Variants in CALN1 observed in about 807,000 individuals in gnomAD.
CALN1 encodes the protein calneuron 1, also known as calcium-binding protein 8.
Under a neutral mutation model 30.6 loss-of-function variants are expected in CALN1, and 17 were observed. That is an observed-to-expected ratio of 0.56 (90% CI 0.38 to 0.83). The LOEUF (loss-of-function observed/expected upper bound fraction) is 0.83. Among genes scored for constraint, CALN1 ranks in the 40% least tolerant of loss-of-function variants. The pLI is 0.00. For synonymous variants in CALN1, 156 were observed against 131.4 expected, an observed-to-expected ratio of 1.19 and a Z score of -1.28; for missense variants, 291 against 354.9, an observed-to-expected ratio of 0.82 and a Z score of 1.45.
intron 5 of CALN1, among the ~76,000 whole-genome samples, chr7:71,968,600 T>C (rs982139286): frequency 1.3e-5 from 2 of 152,068 alleles, no homozygotes; most frequent in Admixed American, 1.3e-4. Context: ...CAGGCTGGTA[T>C]TGAACTCCTG....
intron 2 of CALN1, among the ~76,000 whole-genome samples, chr7:72,316,509 C>T (rs1023206767): frequency 3.3e-5 from 5 of 152,078 alleles, no homozygotes; most frequent in Non-Finnish European, 7.4e-5. Flanking sequence ...CAAATGCAGA[C>T]TCTGGGACAT....
At chr7:72,163,392 TAAAA>T (rs55881217) in intron 3 of CALN1, among the ~76,000 whole-genome samples, 1 of 79,306 alleles carries the variant, frequency 1.3e-5, no homozygotes, top group Non-Finnish European at 2.2e-5. Context: ...TATTGGAGAT[TAAAA>T]AAAAAAAAAA....
intron 4 of CALN1, among the ~76,000 whole-genome samples, chr7:72,061,718 A>C (rs1803659730): frequency 6.6e-6 from 1 of 150,980 alleles, no homozygotes; most frequent in African/African-American, 2.4e-5. Context: ...AAAAATATTT[A>C]AAGAAATAAT....
At chr7:72,226,607 T>C (rs1793694824) in intron 3 of CALN1, among the ~76,000 whole-genome samples, 1 of 152,236 alleles carries the variant, frequency 6.6e-6, no homozygotes, top group African/African-American at 2.4e-5. Context: ...ATAAAAGTTA[T>C]GATCCCCAAA....
chr7:72,096,694 G>A (rs1806258276), intron 4 of CALN1, among the ~76,000 whole-genome samples: 1 of 152,178 alleles, frequency 6.6e-6, no homozygotes, highest in African/African-American at 2.4e-5. Flanking sequence ...AACAGGAAAA[G>A]TTTTACACTG....
intron 4 of CALN1, among the ~76,000 whole-genome samples, chr7:72,052,497 G>A (rs1251579112): frequency 1.3e-5 from 2 of 151,850 alleles, no homozygotes; most frequent in African/African-American, 4.8e-5. Context: ...CTGACCACCC[G>A]AAGAAAATCT....
At chr7:72,442,534 C>T (rs1459847765) in intron 1 of CALN1, among the ~76,000 whole-genome samples, 6 of 148,038 alleles carry the variant, frequency 4.1e-5, no homozygotes, top group South Asian at 2.1e-4. Flanking sequence ...TGTAGGGTTG[C>T]GCTTATTTAG....
At chr7:72,311,466 A>G (rs2129556404) in intron 2 of CALN1, among the ~76,000 whole-genome samples, 1 of 151,604 alleles carries the variant, frequency 6.6e-6, no homozygotes, top group East Asian at 1.9e-4. Context: ...GATCAACTGT[A>G]TTTCTTTTTT....
chr7:72,412,034 A>G (rs1170563648), intron 1 of CALN1, 24 bp downstream of exon 1: 2 of 152,122 alleles, frequency 1.3e-5, no homozygotes, highest in Non-Finnish European at 2.9e-5. Context: ...TGAGCCCACC[A>G]TGCTCTTTAG....
chr7:72,076,116 C>T (rs1804709034), intron 4 of CALN1, among the ~76,000 whole-genome samples: 1 of 152,036 alleles, frequency 6.6e-6, no homozygotes, highest in South Asian at 2.1e-4. Context: ...GGGTGCAAAG[C>T]TCACAGTGGC....
intron 1 of CALN1, among the ~76,000 whole-genome samples, chr7:72,406,293 C>T (rs984105073): frequency 2.0e-5 from 3 of 152,180 alleles, no homozygotes; most frequent in African/African-American, 7.2e-5. Flanking sequence ...GCACATAAGA[C>T]AGACCTCCAT....
chr7:72,087,151 G>A (rs995353189), intron 4 of CALN1, among the ~76,000 whole-genome samples: 3 of 152,172 alleles, frequency 2.0e-5, no homozygotes, highest in African/African-American at 7.2e-5. Context: ...AAACAAAAGA[G>A]CGTCTGAAAT....
rs1806979176 is a variant in CALN1 at position 72,409,690 on chromosome 7, A to C, written c.-74+2368T>G. Among the ~76,000 whole-genome samples the C allele has an allele frequency of 1.3e-5, 2 of 152,038 alleles. 1 individual carries two copies. Among genetic ancestry groups the C allele is most frequent in the Non-Finnish European group, 2.9e-5 (2 of 68,018 alleles). On this transcript the variant is annotated intron_variant, in intron 1 of 6. Coordinates refer to ENST00000395275, the MANE Select transcript of CALN1 (RefSeq NM_031468.4). The stretch of plus-strand genomic sequence containing the variant: ...TGGGAATGGAGAGGGATGAACCTGC[A>C]TTGTTTATGGGCATAAATAATTCAT...
chr7:72,352,909 A>T (rs1162852750), intron 2 of CALN1, among the ~76,000 whole-genome samples: 10 of 152,208 alleles, frequency 6.6e-5, no homozygotes, highest in Admixed American at 6.5e-4. Context: ...ATCAGGAATC[A>T]GTATAGATCC....
chr7:71,907,572 C>G (rs961575257), intron 5 of CALN1, among the ~76,000 whole-genome samples: 1 of 152,278 alleles, frequency 6.6e-6, no homozygotes, highest in Middle Eastern at 3.4e-3. Flanking sequence ...TTGGAGCAAA[C>G]TATTTAACTT....
intron 2 of CALN1, among the ~76,000 whole-genome samples, chr7:72,338,521 G>GTCTGTCTGTCTGTC (rs368628309): frequency 1.6e-5 from 1 of 64,154 alleles, no homozygotes; most frequent in African/African-American, 4.4e-5. Flanking sequence ...GTGTGTGTGT[G>GTCTGTCTGTCTGTC]TGTGTGTCTC....
intron 5 of CALN1, among the ~76,000 whole-genome samples, chr7:71,932,286 C>T (rs1795594235): frequency 6.6e-6 from 1 of 152,128 alleles, no homozygotes; most frequent in Non-Finnish European, 1.5e-5. Flanking sequence ...AGCGATCTTC[C>T]CACCTTAACC....
At position 71,784,981 on chromosome 7, in the gene CALN1, C is replaced by G. The variant is rs1442256045; in HGVS notation, c.*2794G>C. On this transcript the variant is annotated 3_prime_UTR_variant, in exon 7 of 7. Coordinates refer to ENST00000395275, the MANE Select transcript of CALN1 (RefSeq NM_031468.4). ...AAGGAAGGCTTCCCTATACCCAAGACAAACTGTCCAAGCAAAGCAGCCAGG... is the reference window on the plus strand; with the variant it reads ...AAGGAAGGCTTCCCTATACCCAAGAGAAACTGTCCAAGCAAAGCAGCCAGG... The G allele has an allele frequency of 2.5e-6, 1 of 397,280 alleles. No homozygotes were observed. The highest frequency in any genetic ancestry group is 2.1e-5 in the African/African-American group (1 of 48,594). The allele number at this position is 397,280 out of a possible 1,614,324, so 24.6% of individuals were successfully genotyped here.
At chr7:72,086,537 G>GA (rs1805493825) in intron 4 of CALN1, among the ~76,000 whole-genome samples, 1 of 151,912 alleles carries the variant, frequency 6.6e-6, no homozygotes, top group South Asian at 2.1e-4. Flanking sequence ...GAGTTCAAGC[G>GA]ATTCTCCCAC....
Sources: gnomAD v4.1 joint callset for allele counts (sites outside exome capture counted in the v4.1 genomes callset) on GRCh38, gnomAD v4.1.1 for gene constraint, MANE v1.5 for transcripts, NCBI Gene and HGNC (gene_info 2026-07-23, HGNC 2026-07-21) for gene names.